Variants in RAB11FIP3 observed in about 807,000 individuals in gnomAD.
The protein encoded by RAB11FIP3 is RAB11 family interacting protein 3.
RAB11FIP3 carries 17 observed loss-of-function variants against 77.8 expected under a neutral mutation model. That is an observed-to-expected ratio of 0.22 (90% confidence interval 0.15 to 0.33). The LOEUF is 0.33. Ranked by LOEUF, RAB11FIP3 falls within the 10% of genes least tolerant of loss-of-function variation. The pLI, the probability that RAB11FIP3 is intolerant of heterozygous loss-of-function variation, is 1.00. For missense variants in RAB11FIP3, 1,005 were observed against 1,011.2 expected (o/e 0.99, Z 0.08); for synonymous variants, 437 against 448.2 (o/e 0.98, Z 0.31).
rs1177456149 is a variant in RAB11FIP3, at chr16:506,207, A to C, written c.1499+580A>C. Among the ~76,000 whole-genome samples the C allele has an allele frequency of 6.6e-6, 1 of 151,760 alleles. No individual in the cohort carries two copies. Among genetic ancestry groups the C allele is most frequent in the Non-Finnish European group, 1.5e-5 (1 of 67,966 alleles). On this transcript the variant is annotated intron_variant, in intron 8 of 13. Coordinates refer to ENST00000262305, the MANE Select transcript of RAB11FIP3 (RefSeq NM_014700.4). This position sits in a 1 kb window ranked among gnomAD's most constrained non-coding sequence, Gnocchi z 4.5. ...ACTCTGGTTTGCAGACTTTTCTTAG[A>C]ATACCGTGTAATTCTCGGTGTTTTT... is the stretch of plus-strand genomic sequence containing the variant.
At position 472,453 on chromosome 16, in the gene RAB11FIP3, G is replaced by A. The variant is rs1329072463; in HGVS notation, c.903+1064G>A. On this transcript the variant is annotated intron_variant, in intron 3 of 13. Coordinates refer to ENST00000262305, the MANE Select transcript of RAB11FIP3 (RefSeq NM_014700.4). The surrounding 1 kb of genome is among the most constrained non-coding windows in gnomAD (Gnocchi z 4.1). ...GAGGTGCTGGCTAAGAGGGCGTGTG[G>A]TGGGAGTTGGACCCTCTCGCATGGC... is the stretch of plus-strand genomic sequence containing the variant. 6.6e-6 allele frequency among the ~76,000 whole-genome samples: 1 copy of A among 152,206 alleles called. No individual in the cohort carries two copies. Among genetic ancestry groups the A allele is most frequent in the Non-Finnish European group, 1.5e-5 (1 of 68,034 alleles).
At chr16:435,062 G>A (rs1170705804) in intron 1 of RAB11FIP3, among the ~76,000 whole-genome samples, 1 of 152,076 alleles carries the variant, frequency 6.6e-6, no homozygotes, top group Non-Finnish European at 1.5e-5. Context: ...AAAATTAGCC[G>A]GGCGTAGTGG....
chr16:429,263 T>C (rs2054998473), intron 1 of RAB11FIP3, among the ~76,000 whole-genome samples: 1 of 152,110 alleles, frequency 6.6e-6, no homozygotes, highest in Non-Finnish European at 1.5e-5. Flanking sequence ...TTCCTGACAT[T>C]ATATCATTTC....
chr16:460,284 C>CT (rs1450344310), intron 1 of RAB11FIP3, among the ~76,000 whole-genome samples: 1 of 151,898 alleles, frequency 6.6e-6, no homozygotes, highest in Non-Finnish European at 1.5e-5. Flanking sequence ...CATTTTTTTG[C>CT]TTTTATTAAT....
chr16:450,944 G>A (rs973188808), intron 1 of RAB11FIP3, among the ~76,000 whole-genome samples: 1 of 150,912 alleles, frequency 6.6e-6, no homozygotes, highest in African/African-American at 2.4e-5. Flanking sequence ...GGAGCCCCGC[G>A]GCCTTCTGTT....
intron 1 of RAB11FIP3, among the ~76,000 whole-genome samples, chr16:450,941 C>A (rs1194736189): frequency 6.6e-6 from 1 of 151,334 alleles, no homozygotes; most frequent in African/African-American, 2.4e-5. Context: ...GAAGGAGCCC[C>A]GCGGCCTTCT....
chr16:513,769 T>C (rs2032287523), intron 9 of RAB11FIP3, among the ~76,000 whole-genome samples: 2 of 152,230 alleles, frequency 1.3e-5, no homozygotes, highest in Admixed American at 1.3e-4. Context: ...GGAAGGGGCC[T>C]GCACTGAGAG....
intron 1 of RAB11FIP3, among the ~76,000 whole-genome samples, chr16:458,183 G>A (rs899928913): frequency 6.6e-6 from 1 of 152,260 alleles, no homozygotes; most frequent in African/African-American, 2.4e-5. Flanking sequence ...CAGCCACGGG[G>A]GCCCGGGCCT....
At chr16:431,080 G>GTGTGTGAGCAGTTACA (rs1179138238) in intron 1 of RAB11FIP3, among the ~76,000 whole-genome samples, 10 of 152,158 alleles carry the variant, frequency 6.6e-5, no homozygotes, top group African/African-American at 2.4e-4. Context: ...GAGCATGTGT[G>GTGTGTGAGCAGTTACA]TGTGTGAGCA....
intron 1 of RAB11FIP3, among the ~76,000 whole-genome samples, chr16:446,393 G>T (rs747465191): frequency 2.6e-5 from 4 of 152,252 alleles, no homozygotes; most frequent in Non-Finnish European, 5.9e-5. Context: ...GACATTGCAG[G>T]TGGGCTTTCC....
chr16:471,159 T>C lies in RAB11FIP3; in HGVS notation c.809-136T>C. ...CTCATGCTCACTCCCTTGCTTGTCT[T>C]GACCCCCCCCAGGGCCCCCAACTCC... is the stretch of plus-strand genomic sequence containing the variant. On this transcript the variant is annotated intron_variant, in intron 2 of 13. Coordinates refer to ENST00000262305, the MANE Select transcript of RAB11FIP3 (RefSeq NM_014700.4). The surrounding 1 kb of genome is among the most constrained non-coding windows in gnomAD (Gnocchi z 4.4). The C allele has an allele frequency of 1.4e-6, 1 of 691,728 alleles. No homozygotes were observed. Among genetic ancestry groups the C allele is most frequent in the Non-Finnish European group, 2.5e-6 (1 of 396,570 alleles). 42.8% of individuals were successfully genotyped at this position (691,728 alleles called of 1,614,324 possible).
At chr16:470,212 G>A (rs2055785016) in intron 2 of RAB11FIP3, among the ~76,000 whole-genome samples, 1 of 151,568 alleles carries the variant, frequency 6.6e-6, no homozygotes, top group Non-Finnish European at 1.5e-5. Context: ...TGGTCAGGCT[G>A]GTCTTGAACT....
intron 6 of RAB11FIP3, among the ~76,000 whole-genome samples, chr16:498,481 GA>G (rs2031299917): frequency 6.6e-6 from 1 of 152,076 alleles, no homozygotes; most frequent in South Asian, 2.1e-4. Flanking sequence ...GGCCATGGAT[GA>G]AAACTTTTTT....
intron 2 of RAB11FIP3, among the ~76,000 whole-genome samples, chr16:468,002 GCA>G (rs2055738344): frequency 1.0e-5 from 1 of 97,490 alleles, no homozygotes; most frequent in Non-Finnish European, 2.2e-5. Context: ...GGGAGGAGGT[GCA>G]GGGGCGTTGG....
rs2056101509 is a variant in RAB11FIP3, at chr16:484,073, C to A, written c.1115+1337C>A. ...TCACTCTTATCTGGCTCAGAATAAA[C>A]CTCTTCAAATATTTTACAGAGCTTA... On this transcript the variant is annotated intron_variant, in intron 4 of 13. Transcript: ENST00000262305. Among the ~76,000 whole-genome samples the A allele has an allele frequency of 2.0e-5, 3 of 152,132 alleles. No individual in the cohort carries two copies. The South Asian group carries it at 6.2e-4, about 32-fold the overall frequency.
Position 505,492 on chromosome 16 carries a change from G to A in RAB11FIP3, c.1396-32G>A, listed in dbSNP as rs754234527. ...GGTGCAGGCCCTTCTGCTTCTGGCT[G>A]CCTGACCCTGAAGCCTGGTCTCATT... On this transcript the variant is annotated intron_variant, in intron 7 of 13. Transcript: ENST00000262305. This position sits in a 1 kb window ranked among gnomAD's most constrained non-coding sequence, Gnocchi z 4.0. The A allele has an allele frequency of 1.9e-6, 3 of 1,569,396 alleles. No homozygotes were observed. Among genetic ancestry groups the A allele is most frequent in the Middle Eastern group, 1.7e-4 (1 of 6,006 alleles).
chr16:510,710 A>G lies in RAB11FIP3; in HGVS notation c.1550A>G (p.Glu517Gly). Reference protein sequence around the residue: ...QLKEQELRACEMVLEETRRQK... With the variant: ...QLKEQELRACGMVLEETRRQK... Reference sequence around the variant, plus strand: ...AAGGAGCAGGAGCTGAGAGCCTGCGAGATGGTCCTGGAAGAGACCCGGCGT... The same window carrying G: ...AAGGAGCAGGAGCTGAGAGCCTGCGGGATGGTCCTGGAAGAGACCCGGCGT... The change falls in exon 9 of 14, where the codon GAG becomes GGG. Residue 517 changes from glutamate (E) to glycine (G), a missense_variant. Transcript: ENST00000262305. 6 of 1,612,950 alleles carry G rather than the reference A, an allele frequency of 3.7e-6. No homozygotes were observed. Among genetic ancestry groups the G allele is most frequent in the Non-Finnish European group, 5.1e-6 (6 of 1,179,760 alleles).
At chr16:463,827 GC>G (rs2055658937) in intron 2 of RAB11FIP3, among the ~76,000 whole-genome samples, 1 of 152,188 alleles carries the variant, frequency 6.6e-6, no homozygotes, top group African/African-American at 2.4e-5. Context: ...GCTGGGCTTG[GC>G]CCCGGGGCCT....
chr16:436,167 G>C (rs1011182159), intron 1 of RAB11FIP3, among the ~76,000 whole-genome samples: 2 of 152,082 alleles, frequency 1.3e-5, no homozygotes, highest in African/African-American at 4.8e-5. Context: ...AAAATTAGCC[G>C]GGCGTGGTGG....
Sources: allele counts gnomAD v4.1 joint callset (sites outside exome capture counted in the v4.1 genomes callset), GRCh38; gene constraint gnomAD v4.1.1; non-coding constraint Gnocchi (gnomAD v3.1); transcripts MANE v1.5; gene names NCBI Gene and HGNC (gene_info 2026-07-23, HGNC 2026-07-21).